Variants in GRHL2 observed in about 807,000 individuals in gnomAD.
The protein encoded by GRHL2 is grainyhead like transcription factor 2.
In GRHL2, 21 loss-of-function variants were observed where a neutral mutation model predicts 83.8. The observed-to-expected ratio is 0.25, with a 90% CI of 0.18 to 0.36. The LOEUF is 0.36. Among genes scored for constraint, GRHL2 ranks in the 10% least tolerant of loss-of-function variants. The probability of loss-of-function intolerance (pLI) is 1.00; values close to 1 mark genes in which losing one functional copy is unlikely to be tolerated. For missense variants in GRHL2, 623 were observed against 781.8 expected, an observed-to-expected ratio of 0.80 and a Z score of 2.42; for synonymous variants, 280 against 278.9, an observed-to-expected ratio of 1.00 and a Z score of -0.04.
At chr8:101,532,125 G>T (rs1274315713) in intron 1 of GRHL2, among the ~76,000 whole-genome samples, 1 of 152,190 alleles carries the variant, frequency 6.6e-6, no homozygotes, top group African/African-American at 2.4e-5. Flanking sequence ...CCTCTAGCAA[G>T]CACTAAAAGG....
intron 7 of GRHL2, among the ~76,000 whole-genome samples, chr8:101,592,106 T>TTC (rs1554589910): frequency 7.5e-6 from 1 of 133,880 alleles, no homozygotes. Flanking sequence ...TTTTCTTTTT[T>TTC]TTTTTTTTTT....
Position 101,570,333 on chromosome 8 carries a change from T to G in GRHL2, c.679-6T>G. On this transcript the variant is annotated splice_polypyrimidine_tract_variant and splice_region_variant and intron_variant, in intron 4 of 15. Coordinates refer to ENST00000646743, the MANE Select transcript of GRHL2 (RefSeq NM_024915.4). ...TGTTTTAATTCCGATGACTCATATT[T>G]TGCAGAAATTTCGGAGTGCTTCAGT... is the stretch of plus-strand genomic sequence containing the variant. The G allele has an allele frequency of 6.2e-7, 1 of 1,612,918 alleles. No homozygotes were observed. Among genetic ancestry groups the G allele is most frequent in the Non-Finnish European group, 8.5e-7 (1 of 1,178,904 alleles).
In GRHL2 at chr8:101,558,537, A is replaced by C; in HGVS notation, c.403A>C (p.Lys135Gln). The stretch of plus-strand genomic sequence containing the variant: ...AAATCAAGATCACCTGGAGAATTCC[A>C]AGCGGGAACAGTACAGCATCAGCTT... ...SLNQDHLENS[K>Q]REQYSISFPE... Residue 135 changes from lysine to glutamine, a missense_variant, in exon 4 of 16, where the codon AAG becomes CAG. Around this residue, in one of 8 missense-constraint regions of GRHL2, gnomAD observed 239 missense variants for 240.5 expected, o/e 0.99. Coordinates refer to ENST00000646743, the MANE Select transcript of GRHL2 (RefSeq NM_024915.4). 1.2e-6 allele frequency: 2 copies of C among 1,614,120 alleles called. No homozygotes were observed. The highest frequency in any genetic ancestry group is 1.1e-5 in the South Asian group (1 of 91,054).
At chr8:101,550,839 A>AT (rs1190640152) in intron 2 of GRHL2, among the ~76,000 whole-genome samples, 1 of 152,192 alleles carries the variant, frequency 6.6e-6, no homozygotes, top group Non-Finnish European at 1.5e-5. Flanking sequence ...AGTAACTCAT[A>AT]TAAGTGGAAT....
chr8:101,558,595 G>C lies in GRHL2; in HGVS notation c.461G>C (p.Gly154Ala), dbSNP rs772099208. 1 of 1,614,130 alleles carries C rather than the reference G, an allele frequency of 6.2e-7. No individual in the cohort carries two copies. Among genetic ancestry groups the C allele is most frequent in the Non-Finnish European group, 8.5e-7 (1 of 1,180,008 alleles). The change falls in exon 4 of 16, where the codon GGA (glycine) becomes GCA (alanine). Residue 154 changes from glycine (G) to alanine (A), a missense_variant. Physicochemically the swap from Gly to Ala is moderately conservative, Grantham distance 60 (BLOSUM62 0). Transcript: ENST00000646743. The stretch of plus-strand genomic sequence containing the variant: ...AGCTCTGCCATCATCCCGGTGTCGG[G>C]AATCACGGTGGTGAAAGCTGAAGAT... ...PESSAIIPVS[G>A]ITVVKAEDFT...
intron 7 of GRHL2, among the ~76,000 whole-genome samples, chr8:101,582,362 C>T (rs1367061205): frequency 1.3e-5 from 2 of 152,106 alleles, no homozygotes; most frequent in African/African-American, 4.8e-5. Flanking sequence ...GTTGATTTGA[C>T]CCATGCAGAG....
At chr8:101,680,160 T>C in the GRHL2 span, among the ~76,000 whole-genome samples, 3 of 118,300 alleles carry the variant, frequency 2.5e-5, no homozygotes, top group Non-Finnish European at 5.2e-5. Context: ...GACCCATCAG[T>C]GTGCTGTATT....
At chr8:101,546,357 C>CT (rs1212791509) in intron 2 of GRHL2, among the ~76,000 whole-genome samples, 3 of 150,360 alleles carry the variant, frequency 2.0e-5, no homozygotes, top group African/African-American at 7.3e-5. Flanking sequence ...GATGACAATT[C>CT]TTTTTTTGTG....
At chr8:101,664,397 T>A in intron 14 of GRHL2, 57 bp from the exon 15 acceptor site, 2 of 1,276,604 alleles carry the variant, frequency 1.6e-6, no homozygotes, top group Non-Finnish European at 2.3e-6. Context: ...CTTTCCCCCT[T>A]GCCTCCAGTT....
At chr8:101,538,260 C>T (rs1811085494) in intron 1 of GRHL2, among the ~76,000 whole-genome samples, 1 of 152,118 alleles carries the variant, frequency 6.6e-6, no homozygotes, top group Non-Finnish European at 1.5e-5. Context: ...CTATTATACT[C>T]AGGGGAGCAT....
chr8:101,619,700 G>A lies in GRHL2; in HGVS notation c.1257+3G>A, dbSNP rs1342916013. ...AGATCAAGGTCTTCTGTGACAAAGTGAGTAAAGATGACAGTTTTTTATAAA... is the reference window on the plus strand; with the variant it reads ...AGATCAAGGTCTTCTGTGACAAAGTAAGTAAAGATGACAGTTTTTTATAAA... On this transcript the variant is annotated splice_donor_region_variant and intron_variant, in intron 9 of 15. Transcript: ENST00000646743. 2.5e-6 allele frequency: 4 copies of A among 1,607,600 alleles called. No individual in the cohort carries two copies. The highest frequency in any genetic ancestry group is 3.4e-6 in the Non-Finnish European group (4 of 1,174,560).
rs1180129688 is a variant in GRHL2, at chr8:101,632,206, G to A, written c.1346-20G>A. On this transcript the variant is annotated intron_variant, in intron 10 of 15. Transcript: ENST00000646743. ...TCATATATGACTCTCTCATTTATGA[G>A]TTTGTGTGATCCCATCCAGCCTCTG... is the stretch of plus-strand genomic sequence containing the variant. 21 of 1,613,698 alleles carry A rather than the reference G, an allele frequency of 1.3e-5. No homozygotes were observed. Among genetic ancestry groups the A allele is most frequent in the Non-Finnish European group, 1.8e-5 (21 of 1,179,756 alleles).
chr8:101,669,445 T>C lies in GRHL2; in HGVS notation c.*2742T>C, dbSNP rs182786506. 483 of 152,608 alleles carry C rather than the reference T, an allele frequency of 3.2e-3. 3 individuals carry two copies. Among genetic ancestry groups the C allele is most frequent in the Non-Finnish European group, 3.9e-3 (268 of 67,994 alleles). 9.5% of individuals were successfully genotyped at this position (152,608 alleles called of 1,614,324 possible). Reference sequence around the variant, plus strand: ...TCCCTGCCCAGAAACTTAGGAAGCATGAAATAAATCAAATGTTTATTTTCC... The same window carrying C: ...TCCCTGCCCAGAAACTTAGGAAGCACGAAATAAATCAAATGTTTATTTTCC... On this transcript the variant is annotated 3_prime_UTR_variant, in exon 16 of 16. Coordinates refer to ENST00000646743, the MANE Select transcript of GRHL2 (RefSeq NM_024915.4).
At chr8:101,493,711 C>T (rs1318923677) in intron 1 of GRHL2, among the ~76,000 whole-genome samples, 3 of 152,072 alleles carry the variant, frequency 2.0e-5, no homozygotes, top group African/African-American at 7.2e-5. Context: ...TCGGGGTGCT[C>T]TCGCCGTCAA....
chr8:101,663,312 T>TTTTG (rs1373970572), intron 14 of GRHL2, among the ~76,000 whole-genome samples: 1 of 152,122 alleles, frequency 6.6e-6, no homozygotes, highest in East Asian at 1.9e-4. Context: ...AGTTTTAGTT[T>TTTTG]TTTGTTAGTT....
chr8:101,553,949 C>T (rs905638072), intron 3 of GRHL2, among the ~76,000 whole-genome samples: 2 of 152,076 alleles, frequency 1.3e-5, no homozygotes, highest in African/African-American at 4.8e-5. Context: ...TTCTTTCAAA[C>T]TCACCCATCA....
At chr8:101,508,084 C>T (rs1422852398) in intron 1 of GRHL2, among the ~76,000 whole-genome samples, 2 of 152,038 alleles carry the variant, frequency 1.3e-5, no homozygotes, top group African/African-American at 4.8e-5. Context: ...CCGTGCTTGG[C>T]CTTGAATGAT....
At chr8:101,614,282 GA>G (rs1474271219) in intron 8 of GRHL2, among the ~76,000 whole-genome samples, 1 of 151,066 alleles carries the variant, frequency 6.6e-6, no homozygotes, top group Non-Finnish European at 1.5e-5. Context: ...TTCTGGGAAA[GA>G]TCTTGGTACA....
Position 101,550,226 on chromosome 8 carries a change from G to A in GRHL2, c.217-2489G>A, listed in dbSNP as rs1268337866. ...TCATTTCAACTTTTGTTTTAGATTT[G>A]GGGATATGTGTGCAGGCTTGTTACA... is the stretch of plus-strand genomic sequence containing the variant. On this transcript the variant is annotated intron_variant, in intron 2 of 15. Transcript: ENST00000646743. 2.0e-5 allele frequency among the ~76,000 whole-genome samples: 3 copies of A among 150,460 alleles called. No homozygotes were observed. The East Asian group carries it at 5.9e-4, about 29-fold the overall frequency.
Sources: gnomAD v4.1 joint callset for allele counts (sites outside exome capture counted in the v4.1 genomes callset) on GRCh38, gnomAD v4.1.1 for gene constraint, gnomAD v4.1.1 regional missense constraint, MANE v1.5 for transcripts, NCBI Gene and HGNC (gene_info 2026-07-23, HGNC 2026-07-21) for gene names.